Variants in TACR3 observed in about 807,000 individuals in gnomAD.
The protein encoded by TACR3 is tachykinin receptor 3.
In TACR3, 34 loss-of-function variants were observed where a neutral mutation model predicts 35.0. That is an observed-to-expected ratio of 0.97 (90% CI 0.74 to 1.30). The LOEUF is 1.30. TACR3 is among the 50% of genes most tolerant of loss of function. TACR3 has a pLI of 0.00. For missense variants in TACR3, 558 were observed against 591.7 expected, an observed-to-expected ratio of 0.94 and a Z score of 0.59; for synonymous variants, 233 against 221.1, an observed-to-expected ratio of 1.05 and a Z score of -0.48.
At chr4:103,705,319 CTCT>C (rs753645184) in intron 1 of TACR3, among the ~76,000 whole-genome samples, 1 of 151,958 alleles carries the variant, frequency 6.6e-6, no homozygotes, top group Non-Finnish European at 1.5e-5. Context: ...GCTTACCAAC[CTCT>C]TATCATTTTT....
At position 103,628,760 on chromosome 4, in the gene TACR3, T is replaced by C. The variant is rs535221308; in HGVS notation, c.888+27434A>G. Among the ~76,000 whole-genome samples, 31 of 152,176 alleles carry C rather than the reference T, an allele frequency of 2.0e-4. No homozygotes were observed. The East Asian group carries it at 5.8e-3, about 29-fold the overall frequency. On this transcript the variant is annotated intron_variant, in intron 3 of 4. Transcript: ENST00000304883. ...ACCATTCCTTGTGAAACTATTCCAA[T>C]CAATAGAAAAAGAGGGAATCCTCCC... is the stretch of plus-strand genomic sequence containing the variant.
chr4:103,599,980 A>G (rs919299885), intron 3 of TACR3, among the ~76,000 whole-genome samples: 3 of 152,178 alleles, frequency 2.0e-5, no homozygotes, highest in African/African-American at 7.2e-5. Context: ...AAAATGAGTT[A>G]GGGAGGATTC....
chr4:103,660,436 G>T (rs1296749414), intron 1 of TACR3, among the ~76,000 whole-genome samples: 1 of 151,948 alleles, frequency 6.6e-6, no homozygotes, highest in Admixed American at 6.6e-5. Flanking sequence ...AGAAGTTCTA[G>T]ACTTCTGCTG....
chr4:103,690,756 C>G (rs1055014497), intron 1 of TACR3, among the ~76,000 whole-genome samples: 1 of 151,932 alleles, frequency 6.6e-6, no homozygotes, highest in African/African-American at 2.4e-5. Context: ...TTTTAATAGA[C>G]AAAGATGTAT....
chr4:103,635,034 T>C (rs1384426567), intron 3 of TACR3, among the ~76,000 whole-genome samples: 2 of 152,010 alleles, frequency 1.3e-5, no homozygotes, highest in African/African-American at 4.8e-5. Flanking sequence ...TCAGTCTCCA[T>C]ATAGCTTGCT....
intron 1 of TACR3, among the ~76,000 whole-genome samples, chr4:103,694,222 CACATTTATCT>C: frequency 6.8e-6 from 1 of 148,132 alleles, no homozygotes; most frequent in African/African-American, 2.7e-5. Flanking sequence ...TTACACTATG[CACATTTATCT>C]AACTGTATGC....
At chr4:103,664,770 CATTTT>C (rs745347460) in intron 1 of TACR3, among the ~76,000 whole-genome samples, 3 of 152,058 alleles carry the variant, frequency 2.0e-5, no homozygotes, top group Non-Finnish European at 2.9e-5. Flanking sequence ...TTTCTAGATA[CATTTT>C]ATTTTGTGAT....
chr4:103,634,670 C>G (rs1489320871), intron 3 of TACR3, among the ~76,000 whole-genome samples: 1 of 152,064 alleles, frequency 6.6e-6, no homozygotes. Context: ...TCAACAATTG[C>G]TGGATTTTCG....
intron 3 of TACR3, among the ~76,000 whole-genome samples, chr4:103,598,714 C>A (rs1028603895): frequency 2.6e-5 from 4 of 152,122 alleles, no homozygotes; most frequent in African/African-American, 4.8e-5. Flanking sequence ...ATAGGGAATC[C>A]TTTCCCCATT....
chr4:103,588,973 A>T lies in TACR3; in HGVS notation c.*709T>A, dbSNP rs1002047912. On this transcript the variant is annotated 3_prime_UTR_variant, in exon 5 of 5. Transcript: ENST00000304883. ...CTACTTTTTAGCTTGGTATTCAAAAATAAGTAATGGTCAAAAAGTATATAA... is the reference window on the plus strand; with the variant it reads ...CTACTTTTTAGCTTGGTATTCAAAATTAAGTAATGGTCAAAAAGTATATAA... The T allele has an allele frequency of 1.3e-5, 2 of 152,164 alleles. No homozygotes were observed. Among genetic ancestry groups the T allele is most frequent in the Non-Finnish European group, 2.9e-5 (2 of 68,008 alleles). The allele number at this position is 152,164 out of a possible 1,614,324, so 9.4% of individuals were successfully genotyped here.
intron 3 of TACR3, among the ~76,000 whole-genome samples, chr4:103,619,405 G>T (rs1029078052): frequency 6.6e-6 from 1 of 152,134 alleles, no homozygotes; most frequent in Non-Finnish European, 1.5e-5. Flanking sequence ...GGCCAGGCTG[G>T]TCTTGAACTC....
intron 1 of TACR3, among the ~76,000 whole-genome samples, chr4:103,675,912 C>A (rs567901770): frequency 2.6e-5 from 4 of 152,070 alleles, no homozygotes; most frequent in African/African-American, 9.6e-5. Flanking sequence ...ACCGAAAAAT[C>A]GAAATTATCC....
chr4:103,643,907 G>A (rs754624298), intron 3 of TACR3, among the ~76,000 whole-genome samples: 2 of 151,668 alleles, frequency 1.3e-5, no homozygotes, highest in African/African-American at 4.8e-5. Flanking sequence ...ATAACCCATA[G>A]AGAACCTTTT....
At chr4:103,609,792 A>G (rs1322006149) in intron 3 of TACR3, among the ~76,000 whole-genome samples, 4 of 151,992 alleles carry the variant, frequency 2.6e-5, no homozygotes, top group African/African-American at 9.7e-5. Flanking sequence ...GGTAACCACT[A>G]TTCTACTAGT....
intron 3 of TACR3, among the ~76,000 whole-genome samples, chr4:103,592,766 T>C (rs1487009536): frequency 6.6e-6 from 1 of 152,182 alleles, no homozygotes; most frequent in Non-Finnish European, 1.5e-5. Context: ...ATTTATGAAA[T>C]GGACTTGTCA....
At position 103,671,539 on chromosome 4, in the gene TACR3, T is replaced by C. The variant is rs751454614; in HGVS notation, c.549-13136A>G. On this transcript the variant is annotated intron_variant, in intron 1 of 4. Coordinates refer to ENST00000304883, the MANE Select transcript of TACR3 (RefSeq NM_001059.3). ...AGGAGGTTGTATGTATTCAAGAATT[T>C]ATCCTTTTCTTCTAGGTTTTCAAAT... Among the ~76,000 whole-genome samples, 52 of 152,056 alleles carry C rather than the reference T, an allele frequency of 3.4e-4. 1 individual carries two copies. The highest frequency in any genetic ancestry group is 5.3e-4 in the Non-Finnish European group (36 of 67,946).
chr4:103,711,571 T>G (rs997888964), intron 1 of TACR3, among the ~76,000 whole-genome samples: 3 of 152,190 alleles, frequency 2.0e-5, no homozygotes, highest in Non-Finnish European at 4.4e-5. Context: ...GCATTCCCTT[T>G]GAAAACTGGC....
At chr4:103,615,121 C>A (rs1049933215) in intron 3 of TACR3, among the ~76,000 whole-genome samples, 1 of 151,854 alleles carries the variant, frequency 6.6e-6, no homozygotes, top group Non-Finnish European at 1.5e-5. Context: ...TGGTCTCGAT[C>A]TCCTGACCTC....
At chr4:103,684,345 C>T (rs1214245688) in intron 1 of TACR3, among the ~76,000 whole-genome samples, 2 of 151,952 alleles carry the variant, frequency 1.3e-5, no homozygotes, top group African/African-American at 4.8e-5. Context: ...CCACATAGAC[C>T]TAATAAATGA....
Sources: gnomAD v4.1 joint callset for allele counts (sites outside exome capture counted in the v4.1 genomes callset) on GRCh38, gnomAD v4.1.1 for gene constraint, MANE v1.5 for transcripts, NCBI Gene and HGNC (gene_info 2026-07-23, HGNC 2026-07-21) for gene names.